Variants in UBE2K observed in about 807,000 individuals in gnomAD.
The protein encoded by UBE2K is ubiquitin conjugating enzyme E2 K, also known as ubiquitin-conjugating enzyme E2 K.
UBE2K carries 6 observed loss-of-function variants against 30.0 expected under a neutral mutation model. That is an observed-to-expected ratio of 0.20 (90% CI 0.11 to 0.39). The LOEUF is 0.39. UBE2K is among the 10% of genes least tolerant of loss of function. UBE2K has a pLI of 1.00. For missense variants in UBE2K, 61 were observed against 241.6 expected, an observed-to-expected ratio of 0.25 and a Z score of 4.96; for synonymous variants, 86 against 83.7, an observed-to-expected ratio of 1.03 and a Z score of -0.15.
intron 2 of UBE2K, among the ~76,000 whole-genome samples, chr4:39,740,556 A>C (rs188255139): frequency 7.7e-4 from 117 of 151,004 alleles, no homozygotes; most frequent in African/African-American, 2.8e-3. Context: ...GAAAAAAAAA[A>C]AGATACATTA....
At chr4:39,756,010 GC>G (rs1381501997) in intron 4 of UBE2K, among the ~76,000 whole-genome samples, 2 of 152,144 alleles carry the variant, frequency 1.3e-5, no homozygotes, top group African/African-American at 4.8e-5. Context: ...TTGATTCTTT[GC>G]TATCTTAAGA....
intron 3 of UBE2K, among the ~76,000 whole-genome samples, chr4:39,754,813 T>G (rs1330486465): frequency 1.3e-5 from 2 of 152,184 alleles, no homozygotes; most frequent in African/African-American, 4.8e-5. Flanking sequence ...GTGAAGTTCT[T>G]AGAACATTAA....
rs557651445 is a variant in UBE2K at position 39,735,037 on chromosome 4, A to G, written c.64-2383A>G. On this transcript the variant is annotated intron_variant, in intron 1 of 6. Coordinates refer to ENST00000261427, the MANE Select transcript of UBE2K (RefSeq NM_005339.5). ...TTTGGAGGGGGGATTGTGGAAAGCT[A>G]TCGAGATCTTTGAAAGCATTGATGA... is the stretch of plus-strand genomic sequence containing the variant. Among the ~76,000 whole-genome samples, 8 of 152,298 alleles carry G rather than the reference A, an allele frequency of 5.3e-5. No homozygotes were observed. The East Asian group carries it at 9.6e-4, about 18-fold the overall frequency.
At chr4:39,700,281 C>T (rs1412139954) in intron 1 of UBE2K, among the ~76,000 whole-genome samples, 3 of 152,052 alleles carry the variant, frequency 2.0e-5, no homozygotes, top group Admixed American at 6.5e-5. Context: ...GCTCTTTATA[C>T]GTAAGGGATG....
In UBE2K at chr4:39,771,013, C is replaced by G. The variant is rs1712774311; in HGVS notation, c.300-3821C>G. 1.2e-5 allele frequency: 20 copies of G among 1,611,332 alleles called. No homozygotes were observed. The South Asian group carries it at 2.2e-4, about 18-fold the overall frequency. On this transcript the variant is annotated intron_variant, in intron 4 of 6. Coordinates refer to ENST00000261427, the MANE Select transcript of UBE2K (RefSeq NM_005339.5). ...GTTGGCGCTGACGCTGCTCACAAGG[C>G]TAGCCTCACGGACCCCATCCTCTTT...
At chr4:39,715,338 T>A (rs1203585951) in intron 1 of UBE2K, among the ~76,000 whole-genome samples, 9 of 151,894 alleles carry the variant, frequency 5.9e-5, no homozygotes, top group Admixed American at 5.9e-4. Context: ...AGCTAATTTT[T>A]AAAAAAAATT....
intron 1 of UBE2K, chr4:39,714,546 A>ATTTTTTTTTTTTTTT (rs879776892): frequency 1.3e-3 from 34 of 25,274 alleles, no homozygotes; most frequent in Admixed American, 2.5e-3. Context: ...ATATATATAT[A>ATTTTTTTTTTTTTTT]TATATTTTTT....
chr4:39,743,307 TA>T (rs1280667983), intron 2 of UBE2K, among the ~76,000 whole-genome samples: 1 of 151,614 alleles, frequency 6.6e-6, no homozygotes, highest in Non-Finnish European at 1.5e-5. Flanking sequence ...TTCAGATATA[TA>T]AAAAAGAAGA....
rs1560384549 is a variant in UBE2K at position 39,778,454 on chromosome 4, A to G, written c.*20A>G. 4.5e-6 allele frequency: 7 copies of G among 1,556,236 alleles called. No homozygotes were observed. The East Asian group carries it at 9.0e-5, about 20-fold the overall frequency. On this transcript the variant is annotated 3_prime_UTR_variant, in exon 7 of 7. Transcript: ENST00000261427. The stretch of plus-strand genomic sequence containing the variant: ...AACTGAGGCATAGAGAGCTGCTGAT[A>G]TAGTCAAGCTTGCCTCTTCTTGAGG...
chr4:39,739,683 G>C (rs1262000024), intron 2 of UBE2K, among the ~76,000 whole-genome samples: 4 of 151,998 alleles, frequency 2.6e-5, no homozygotes, highest in African/African-American at 9.7e-5. Context: ...CTGACCTTGT[G>C]ATCTGCCCAC....
chr4:39,698,156 C>A lies in UBE2K; in HGVS notation c.-172C>A. The A allele has an allele frequency of 1.5e-6, 1 of 678,602 alleles. No homozygotes were observed. The highest frequency in any genetic ancestry group is 2.6e-6 in the Non-Finnish European group (1 of 378,384). The allele number at this position is 678,602 out of a possible 1,614,324, so 42.0% of individuals were successfully genotyped here. Reference sequence around the variant, plus strand: ...CCGGCGCCATTTTGGTGGCCGGGCGCGGAGGTGATTCCACACTGAGGCGAG... The same window carrying A: ...CCGGCGCCATTTTGGTGGCCGGGCGAGGAGGTGATTCCACACTGAGGCGAG... On this transcript the variant is annotated 5_prime_UTR_variant, in exon 1 of 7. Coordinates refer to ENST00000261427, the MANE Select transcript of UBE2K (RefSeq NM_005339.5).
At chr4:39,753,392 T>C (rs982872477) in intron 3 of UBE2K, among the ~76,000 whole-genome samples, 1 of 152,216 alleles carries the variant, frequency 6.6e-6, no homozygotes, top group African/African-American at 2.4e-5. Context: ...ATAAGCCCTA[T>C]ATTACTGTCT....
chr4:39,740,266 CATTGATTTTT>C (rs1375205178), intron 2 of UBE2K, among the ~76,000 whole-genome samples: 3 of 151,928 alleles, frequency 2.0e-5, no homozygotes, highest in Admixed American at 2.0e-4. Context: ...TAAATTTTTT[CATTGATTTTT>C]ATAAACAAGG....
chr4:39,742,769 G>A (rs1024736545), intron 2 of UBE2K, among the ~76,000 whole-genome samples: 1 of 152,008 alleles, frequency 6.6e-6, no homozygotes, highest in African/African-American at 2.4e-5. Context: ...AGAGAGGCCA[G>A]GCGCAATGGC....
In UBE2K at chr4:39,770,736, C is replaced by T; in HGVS notation, c.300-4098C>T. On this transcript the variant is annotated intron_variant, in intron 4 of 6. Transcript: ENST00000261427. The stretch of plus-strand genomic sequence containing the variant: ...CCCAAGGTGGCCACCCACGGAGCCT[C>T]CAATGCCCAGGCCCCCTCCCAGGCC... 9 of 1,583,810 alleles carry T rather than the reference C, an allele frequency of 5.7e-6. No homozygotes were observed. The South Asian group carries it at 9.3e-5, about 16-fold the overall frequency.
chr4:39,725,738 G>A lies in UBE2K; in HGVS notation c.64-11682G>A, dbSNP rs1478999426. 2.0e-5 allele frequency among the ~76,000 whole-genome samples: 3 copies of A among 152,222 alleles called. No homozygotes were observed. In the East Asian group the frequency reaches 5.8e-4, roughly 29 times the overall value. On this transcript the variant is annotated intron_variant, in intron 1 of 6. Coordinates refer to ENST00000261427, the MANE Select transcript of UBE2K (RefSeq NM_005339.5). The stretch of plus-strand genomic sequence containing the variant: ...CATCCTCACTGTGAGAACCTCCTGC[G>A]TTCAAGTGACCCTCCTGCTTCAGCC...
intron 4 of UBE2K, among the ~76,000 whole-genome samples, chr4:39,760,552 C>CT (rs1315852504): frequency 2.0e-5 from 3 of 152,188 alleles, no homozygotes; most frequent in East Asian, 1.9e-4. Context: ...AGAATACATA[C>CT]TGTATGGTTC....
chr4:39,714,372 C>A, intron 1 of UBE2K: 2 of 173,856 alleles, frequency 1.2e-5, no homozygotes, highest in South Asian at 3.1e-4. Flanking sequence ...GCACGCCTGT[C>A]AGAATAGGGC....
At chr4:39,702,868 A>G (rs1456819918) in intron 1 of UBE2K, among the ~76,000 whole-genome samples, 2 of 152,062 alleles carry the variant, frequency 1.3e-5, no homozygotes, top group African/African-American at 4.8e-5. Flanking sequence ...GTTTAGCAAC[A>G]TCCCTGACCT....
Sources: gnomAD v4.1 joint callset for allele counts (sites outside exome capture counted in the v4.1 genomes callset) on GRCh38, gnomAD v4.1.1 for gene constraint, MANE v1.5 for transcripts, NCBI Gene and HGNC (gene_info 2026-07-23, HGNC 2026-07-21) for gene names.